Variants in CCNH observed in about 807,000 individuals in gnomAD.
CCNH encodes cyclin-H.
A neutral mutation model predicts 41.9 loss-of-function variants in CCNH; 31 were observed. The observed-to-expected ratio is 0.74, with a 90% confidence interval of 0.56 to 1.00. The LOEUF (loss-of-function observed/expected upper bound fraction) is 1.00. Ranked by LOEUF, CCNH falls within the 50% of genes least tolerant of loss-of-function variation. The pLI is 0.00. For synonymous variants in CCNH, 138 were observed against 136.1 expected, an observed-to-expected ratio of 1.01 and a Z score of -0.10; for missense variants, 362 against 388.4, an observed-to-expected ratio of 0.93 and a Z score of 0.57.
chr5:87,352,371 AGT>A (rs1410338061), intron 9 of CCNH, among the ~76,000 whole-genome samples: 1 of 151,630 alleles, frequency 6.6e-6, no homozygotes, highest in African/African-American at 2.4e-5. Flanking sequence ...TGTCTGGAGA[AGT>A]GTTTCCTAGG....
intron 9 of CCNH, among the ~76,000 whole-genome samples, chr5:87,320,424 G>A (rs1756699525): frequency 6.6e-6 from 1 of 152,174 alleles, no homozygotes; most frequent in Admixed American, 6.5e-5. Flanking sequence ...TGAAGAAAAG[G>A]TTTAATTGAC....
rs1491365794 is a variant in CCNH at position 87,338,533 on chromosome 5, A to ATATATATATAT, written c.*91-19637_*91-19636insATATATATATA. ...TATATATATATATATATATATATATAAAATTTTTTTTTTTTTTAAGTAGAA... is the reference window on the plus strand; with the variant it reads ...TATATATATATATATATATATATATATATATATATATAAATTTTTTTTTTTTTTAAGTAGAA... On this transcript the variant is annotated intron_variant and NMD_transcript_variant, in intron 9 of 9. Transcript: ENST00000645953. 5.3e-3 allele frequency among the ~76,000 whole-genome samples: 483 copies of ATATATATATAT among 91,070 alleles called. 18 individuals are homozygous for ATATATATATAT. Among genetic ancestry groups the ATATATATATAT allele is most frequent in the South Asian group, 7.2e-3 (21 of 2,922 alleles). 59.7% of individuals were successfully genotyped at this position (91,070 alleles called of 152,430 possible).
At chr5:87,400,698 G>A (rs765241599) in intron 6 of CCNH, among the ~76,000 whole-genome samples, 3 of 152,050 alleles carry the variant, frequency 2.0e-5, no homozygotes, top group Admixed American at 1.3e-4. Context: ...TACTGTCATC[G>A]AAAATCAAGA....
intron 9 of CCNH, among the ~76,000 whole-genome samples, chr5:87,368,922 A>C (rs1760726950): frequency 6.6e-6 from 1 of 152,132 alleles, no homozygotes; most frequent in African/African-American, 2.4e-5. Context: ...GTTTTATCCA[A>C]CTAGGGTGGT....
chr5:87,377,217 A>G (rs187731497), upstream of CCNH: 1 of 773,746 alleles, frequency 1.3e-6, no homozygotes, highest in East Asian at 2.8e-5. Context: ...GTTGGTTACT[A>G]TGGGAAGCTG....
intron 9 of CCNH, among the ~76,000 whole-genome samples, chr5:87,329,701 T>G (rs1757473562): frequency 6.6e-6 from 1 of 152,160 alleles, no homozygotes; most frequent in African/African-American, 2.4e-5. Context: ...TCCTTAATTT[T>G]ATCTTTGTTG....
chr5:87,379,594 A>C, upstream of CCNH: 1 of 1,188,938 alleles, frequency 8.4e-7, no homozygotes. Flanking sequence ...AAAAACTCCC[A>C]TTATACAAAG....
At chr5:87,363,730 A>G (rs897215690) in intron 9 of CCNH, among the ~76,000 whole-genome samples, 1 of 152,082 alleles carries the variant, frequency 6.6e-6, no homozygotes, top group Non-Finnish European at 1.5e-5. Context: ...GTAGTAAAGC[A>G]TGTTTTGTCC....
chr5:87,365,122 T>C (rs982845163), intron 9 of CCNH, among the ~76,000 whole-genome samples: 36 of 152,186 alleles, frequency 2.4e-4, no homozygotes, highest in African/African-American at 8.7e-4. Flanking sequence ...TCTTGGAGGA[T>C]GGGTATGAAT....
chr5:87,374,033 C>T, downstream of CCNH: 1 of 775,790 alleles, frequency 1.3e-6, no homozygotes, highest in Non-Finnish European at 1.7e-6. Context: ...CCAAAGCTCA[C>T]ATTTTCTGAA....
chr5:87,391,698 T>A (rs923648470), downstream of CCNH: 6 of 232,926 alleles, frequency 2.6e-5, no homozygotes, highest in Non-Finnish European at 4.2e-5. Flanking sequence ...TTAACTAGAA[T>A]GCTTTTGTTA....
At chr5:87,311,702 G>GATCCTTTGGGT in the CCNH span, among the ~76,000 whole-genome samples, 1 of 152,268 alleles carries the variant, frequency 6.6e-6, no homozygotes, top group South Asian at 2.1e-4. Flanking sequence ...GGTGTCCAGG[G>GATCCTTTGGGT]ATCTTTTGGG....
chr5:87,409,733 G>T (rs576052194), intron 2 of CCNH, among the ~76,000 whole-genome samples: 2 of 151,820 alleles, frequency 1.3e-5, no homozygotes, highest in African/African-American at 4.8e-5. Flanking sequence ...AACGTTCACA[G>T]ATTAACCAAT....
chr5:87,349,042 T>C (rs1316169612), intron 9 of CCNH, among the ~76,000 whole-genome samples: 1 of 151,926 alleles, frequency 6.6e-6, no homozygotes, highest in Non-Finnish European at 1.5e-5. Context: ...ATGTGGATGG[T>C]TGTGAATCAT....
chr5:87,369,794 T>G (rs1421360333), intron 9 of CCNH: 2 of 1,579,100 alleles, frequency 1.3e-6, no homozygotes, highest in Admixed American at 1.7e-5. Context: ...TCCTAATAAT[T>G]TTTGTTTTTA....
At chr5:87,327,857 T>TG (rs1757339420) in intron 9 of CCNH, among the ~76,000 whole-genome samples, 1 of 151,472 alleles carries the variant, frequency 6.6e-6, no homozygotes, top group Admixed American at 6.6e-5. Flanking sequence ...CCCAGCTACT[T>TG]GGGAGGCAGA....
Position 87,394,286 on chromosome 5 carries a change from GGTTT to G in CCNH, c.*156_*159del, listed in dbSNP as rs1762741376. ...GTGCTATTCTAGCTCTTTTGAAGAT[GGTTT>G]ATTTTACATAAAGTTACTGTGAAAG... On this transcript the variant is annotated 3_prime_UTR_variant, in exon 9 of 9. Transcript: ENST00000256897. 1 of 1,333,638 alleles carries G rather than the reference GGTTT, an allele frequency of 7.5e-7. No homozygotes were observed. Among genetic ancestry groups the G allele is most frequent in the African/African-American group, 1.5e-5 (1 of 66,480 alleles). The allele number at this position is 1,333,638 out of a possible 1,614,324, so 82.6% of individuals were successfully genotyped here. A position where few individuals can be genotyped will look rare whatever the true frequency, so the allele number is the denominator to read the frequency against.
intron 9 of CCNH, among the ~76,000 whole-genome samples, chr5:87,357,939 T>G (rs1759776347): frequency 6.6e-6 from 1 of 152,200 alleles, no homozygotes. Context: ...AACTATTAAG[T>G]GCTATTTGTA....
intron 9 of CCNH, among the ~76,000 whole-genome samples, chr5:87,349,029 G>A (rs1219980082): frequency 6.6e-6 from 1 of 151,710 alleles, no homozygotes; most frequent in Non-Finnish European, 1.5e-5. Context: ...TAGCAGACAA[G>A]CAATGTGGAT....
Sources: gnomAD v4.1 joint callset for allele counts (sites outside exome capture counted in the v4.1 genomes callset) on GRCh38, gnomAD v4.1.1 for gene constraint, MANE v1.5 for transcripts, NCBI Gene and HGNC (gene_info 2026-07-23, HGNC 2026-07-21) for gene names.